Variants in IL20RB observed in about 807,000 individuals in gnomAD.
IL20RB encodes interleukin 20 receptor subunit beta.
In IL20RB, 21 loss-of-function variants were observed where a neutral mutation model predicts 33.3. That is an observed-to-expected ratio of 0.63 (90% CI 0.45 to 0.91). IL20RB has a LOEUF of 0.91. Ranked by LOEUF, IL20RB falls within the 40% of genes least tolerant of loss-of-function variation. The pLI, the probability that IL20RB is intolerant of heterozygous loss-of-function variation, is 0.00. For synonymous variants in IL20RB, 147 were observed against 146.8 expected (o/e 1.00, Z -0.01); for missense variants, 345 against 384.8 (o/e 0.90, Z 0.86).
intron 6 of IL20RB, among the ~76,000 whole-genome samples, chr3:137,005,932 C>G (rs1942341294): frequency 6.6e-6 from 1 of 152,194 alleles, no homozygotes. Context: ...TTAGTGCTTC[C>G]TTCAGGAGCT....
At chr3:136,982,408 G>A in intron 3 of IL20RB, 58 bp downstream of exon 3, 1 of 1,272,552 alleles carries the variant, frequency 7.9e-7, no homozygotes, top group Non-Finnish European at 1.1e-6. Context: ...TAGGAACCAT[G>A]TTCACCTAAA....
At chr3:136,986,916 GT>G (rs1187258931) in intron 3 of IL20RB, 1 of 378,540 alleles carries the variant, frequency 2.6e-6, no homozygotes, top group Non-Finnish European at 5.2e-6. Context: ...GATCTTCACG[GT>G]GAGTGTTACA....
intron 6 of IL20RB, among the ~76,000 whole-genome samples, chr3:137,005,602 C>T (rs1050544586): frequency 1.6e-4 from 24 of 151,370 alleles, no homozygotes; most frequent in African/African-American, 1.5e-4. Context: ...GCTTTTTTTT[C>T]GCTTTCCATT....
Position 136,958,029 on chromosome 3 carries a change from TGCATTCTGAAGAAAGATG to T in IL20RB, c.-82_-65del. 1 of 840,484 alleles carries T rather than the reference TGCATTCTGAAGAAAGATG, an allele frequency of 1.2e-6. No individual in the cohort carries two copies. Among genetic ancestry groups the T allele is most frequent in the Non-Finnish European group, 2.0e-6 (1 of 498,510 alleles). 52.1% of individuals were successfully genotyped at this position (840,484 alleles called of 1,614,324 possible). A position where few individuals can be genotyped will look rare whatever the true frequency, so the allele number is the denominator to read the frequency against. On this transcript the variant is annotated 5_prime_UTR_variant, in exon 1 of 7. An upstream start codon of the reference 5' UTR is lost. Transcript: ENST00000329582. ...CGACTCAGACCTCAGCTCCAACATA[TGCATTCTGAAGAAAGATG>T]GCTGAGATGGACAGAATGCTTTATT...
chr3:136,986,164 G>A (rs1941892477), intron 3 of IL20RB, among the ~76,000 whole-genome samples: 1 of 151,962 alleles, frequency 6.6e-6, no homozygotes, highest in African/African-American at 2.4e-5. Flanking sequence ...AGTGAGCCAA[G>A]ATCGGGCCAC....
At chr3:136,974,189 T>C (rs1454852282) in intron 1 of IL20RB, among the ~76,000 whole-genome samples, 1 of 152,188 alleles carries the variant, frequency 6.6e-6, no homozygotes, top group African/African-American at 2.4e-5. Flanking sequence ...AGTGGTACCA[T>C]TTGAGTCCTT....
intron 4 of IL20RB, among the ~76,000 whole-genome samples, chr3:136,990,924 G>T (rs1327994102): frequency 6.6e-6 from 1 of 152,198 alleles, no homozygotes; most frequent in Non-Finnish European, 1.5e-5. Flanking sequence ...TGTGCAGGAG[G>T]AAGCATGCAG....
intron 1 of IL20RB, among the ~76,000 whole-genome samples, chr3:136,971,003 T>C (rs1282396609): frequency 6.6e-6 from 1 of 152,212 alleles, no homozygotes; most frequent in Non-Finnish European, 1.5e-5. Context: ...ATATTGTTAC[T>C]GTATATAATG....
chr3:137,003,562 C>A (rs1360988166), intron 6 of IL20RB, among the ~76,000 whole-genome samples: 1 of 152,158 alleles, frequency 6.6e-6, no homozygotes, highest in African/African-American at 2.4e-5. Context: ...CATTATTTGG[C>A]TCTCTGTCTG....
chr3:136,982,418 A>G (rs1169149283), intron 3 of IL20RB, 68 bp downstream of exon 3: 46 of 1,138,004 alleles, frequency 4.0e-5, no homozygotes, highest in Non-Finnish European at 5.5e-5. Context: ...GTTCACCTAA[A>G]CTTTCTAGAC....
chr3:136,998,834 T>TAA (rs1321555901), intron 6 of IL20RB, among the ~76,000 whole-genome samples: 3 of 152,100 alleles, frequency 2.0e-5, no homozygotes, highest in Admixed American at 2.0e-4. Context: ...CTTACTACTT[T>TAA]AAAAGTATTG....
intron 3 of IL20RB, among the ~76,000 whole-genome samples, chr3:136,983,450 C>G (rs1941830205): frequency 6.6e-6 from 1 of 152,184 alleles, no homozygotes; most frequent in Non-Finnish European, 1.5e-5. Flanking sequence ...CAGAGTAGGG[C>G]AAGCCTGCAG....
At chr3:136,987,072 G>A (rs1336502098) in intron 3 of IL20RB, among the ~76,000 whole-genome samples, 23 of 150,554 alleles carry the variant, frequency 1.5e-4, no homozygotes, top group South Asian at 2.1e-4. Context: ...GCAGTAGCAA[G>A]ATTTATTGCA....
At chr3:137,003,716 GA>G (rs1942292653) in intron 6 of IL20RB, among the ~76,000 whole-genome samples, 1 of 152,128 alleles carries the variant, frequency 6.6e-6, no homozygotes, top group African/African-American at 2.4e-5. Context: ...CTGCAAACAG[GA>G]ACAATTTGAC....
At chr3:137,004,123 T>C (rs1942301190) in intron 6 of IL20RB, among the ~76,000 whole-genome samples, 1 of 152,196 alleles carries the variant, frequency 6.6e-6, no homozygotes, top group South Asian at 2.1e-4. Flanking sequence ...GAGTTGATCG[T>C]GGTGGATAAG....
intron 6 of IL20RB, among the ~76,000 whole-genome samples, chr3:137,003,001 T>G (rs1357672726): frequency 6.6e-6 from 1 of 152,248 alleles, no homozygotes; most frequent in Non-Finnish European, 1.5e-5. Context: ...TAGCCAATTT[T>G]CCCAGCACCA....
chr3:136,979,666 C>T (rs1036942262), intron 1 of IL20RB, among the ~76,000 whole-genome samples: 2 of 152,088 alleles, frequency 1.3e-5, no homozygotes, highest in African/African-American at 2.4e-5. Context: ...TGGGTACACT[C>T]GGGGCATACT....
chr3:136,972,742 A>T (rs537587912), intron 1 of IL20RB, among the ~76,000 whole-genome samples: 80 of 147,088 alleles, frequency 5.4e-4, no homozygotes, highest in East Asian at 9.9e-4. Flanking sequence ...TTGAAGAAAA[A>T]TTTTTTTTTT....
chr3:137,005,327 C>T (rs1179283630), intron 6 of IL20RB, among the ~76,000 whole-genome samples: 3 of 151,994 alleles, frequency 2.0e-5, no homozygotes, highest in African/African-American at 7.2e-5. Flanking sequence ...CCTTGTTAAC[C>T]TTCTGTCTCG....
Sources: gnomAD v4.1 joint callset for allele counts (sites outside exome capture counted in the v4.1 genomes callset) on GRCh38, gnomAD v4.1.1 for gene constraint, MANE v1.5 for transcripts, NCBI Gene and HGNC (gene_info 2026-07-23, HGNC 2026-07-21) for gene names.